Variants in SPAG17 observed in about 807,000 individuals in gnomAD.
SPAG17 encodes the protein sperm associated antigen 17.
SPAG17 carries 169 observed loss-of-function variants against 273.6 expected under a neutral mutation model. The observed-to-expected ratio is 0.62, with a 90% CI of 0.55 to 0.70. The LOEUF (loss-of-function observed/expected upper bound fraction) is 0.70. Among genes scored for constraint, SPAG17 ranks in the 30% least tolerant of loss-of-function variants. SPAG17 has a pLI of 0.00. For missense variants in SPAG17, 2,557 were observed against 2,627.8 expected (o/e 0.97, Z 0.59); for synonymous variants, 825 against 873.2 (o/e 0.94, Z 0.97).
Position 117,963,904 on chromosome 1 carries a change from T to C in SPAG17, c.6567A>G (p.Pro2189=), listed in dbSNP as rs1287246791. 2.5e-6 allele frequency: 4 copies of C among 1,613,998 alleles called. No individual in the cohort carries two copies. The South Asian group carries it at 3.3e-5, about 13-fold the overall frequency. ...TTTCTTTTCCCTGGGGAAAGTCTTT[T>C]GGTCGTTTATCATAATTGCTGCTTG... ...VLTSSNYDKR[P]KDFPQGKENP... The change falls in exon 48 of 49, where the codon CCA becomes CCG. Residue 2189 remains proline (P), a synonymous_variant. Coordinates refer to ENST00000336338, the MANE Select transcript of SPAG17 (RefSeq NM_206996.4).
At chr1:118,004,134 C>A (rs1043561333) in intron 32 of SPAG17, among the ~76,000 whole-genome samples, 3 of 152,208 alleles carry the variant, frequency 2.0e-5, no homozygotes, top group Non-Finnish European at 4.4e-5. Flanking sequence ...GGCTGCAGAA[C>A]AACAAATATT....
intron 20 of SPAG17, among the ~76,000 whole-genome samples, chr1:118,053,001 C>T (rs1326619050): frequency 2.6e-5 from 4 of 151,936 alleles, no homozygotes; most frequent in Non-Finnish European, 4.4e-5. Flanking sequence ...ACCCTCCTCC[C>T]ACCAGACACC....
At chr1:118,049,869 C>G (rs1484717535) in intron 20 of SPAG17, among the ~76,000 whole-genome samples, 2 of 152,166 alleles carry the variant, frequency 1.3e-5, no homozygotes, top group African/African-American at 4.8e-5. Flanking sequence ...TTAACTGTCT[C>G]TCTAAAATAA....
At position 118,089,355 on chromosome 1, in the gene SPAG17, G is replaced by GT. The variant is rs10527094; in HGVS notation, c.1359+2250_1359+2251insA. ...GACGTGTGTGTGTGTGTGTGTGTGT[G>GT]GTGGCAGGTAGGAGGTGAGATGACA... On this transcript the variant is annotated intron_variant, in intron 10 of 48. Coordinates refer to ENST00000336338, the MANE Select transcript of SPAG17 (RefSeq NM_206996.4). 6.9e-4 allele frequency among the ~76,000 whole-genome samples: 95 copies of GT among 137,926 alleles called. 1 individual carries two copies. Among genetic ancestry groups the GT allele is most frequent in the East Asian group, 2.4e-4 (1 of 4,140 alleles). The allele number at this position is 137,926 out of a possible 152,430, so 90.5% of individuals were successfully genotyped here.
At chr1:118,083,622 T>G (rs973051209) in intron 13 of SPAG17, among the ~76,000 whole-genome samples, 1 of 152,038 alleles carries the variant, frequency 6.6e-6, no homozygotes, top group Non-Finnish European at 1.5e-5. Context: ...CCATCTCTAC[T>G]AAAAATACAA....
intron 17 of SPAG17, among the ~76,000 whole-genome samples, chr1:118,071,261 A>AG (rs1205843257): frequency 6.6e-6 from 1 of 152,236 alleles, no homozygotes; most frequent in Non-Finnish European, 1.5e-5. Context: ...ACGAAACAAA[A>AG]AAGACAAAAA....
intron 20 of SPAG17, 86 bp downstream of exon 20, chr1:118,053,916 C>A: frequency 1.1e-6 from 1 of 935,882 alleles, no homozygotes. Flanking sequence ...TCACTATCCA[C>A]TCCCACTGCC....
chr1:118,055,979 G>T, intron 18 of SPAG17, 65 bp from the exon 19 acceptor site: 1 of 1,344,888 alleles, frequency 7.4e-7, no homozygotes, highest in Non-Finnish European at 1.0e-6. Flanking sequence ...TAAGGATATT[G>T]ACTGTGCAAA....
At chr1:118,004,757 C>A (rs568097369) in intron 32 of SPAG17, among the ~76,000 whole-genome samples, 17 of 152,356 alleles carry the variant, frequency 1.1e-4, no homozygotes, top group Admixed American at 3.9e-4. Flanking sequence ...TCCCCTGACA[C>A]CTTGCACTTC....
At chr1:118,004,185 G>C (rs1157637838) in intron 32 of SPAG17, among the ~76,000 whole-genome samples, 1 of 152,192 alleles carries the variant, frequency 6.6e-6, no homozygotes, top group Non-Finnish European at 1.5e-5. Context: ...TCCTCTGGAA[G>C]CTTCGTCCCA....
intron 36 of SPAG17, among the ~76,000 whole-genome samples, chr1:117,991,765 C>A (rs1055026166): frequency 6.6e-6 from 1 of 152,108 alleles, no homozygotes; most frequent in African/African-American, 2.4e-5. Flanking sequence ...TGCATGGGGG[C>A]CTCAGAGAGG....
In SPAG17 at chr1:118,081,568, C is replaced by T. The variant is rs759187136; in HGVS notation, c.1837G>A (p.Asp613Asn). ...TFESLKLSEVDEKGKLKPSGM... is the reference protein window; with the variant it reads ...TFESLKLSEVNEKGKLKPSGM... Reference sequence around the variant, plus strand: ...GAAGGTTTCAGTTTCCCTTTTTCATCAACCTCAGAGAGCTTCAGGCTCTCA... The same window carrying T: ...GAAGGTTTCAGTTTCCCTTTTTCATTAACCTCAGAGAGCTTCAGGCTCTCA... The change falls in exon 14 of 49, where the codon GAT (aspartate) becomes AAT (asparagine). Residue 613 changes from aspartate to asparagine, a missense_variant. By Grantham distance (23) the Asp-to-Asn change is conservative (BLOSUM62 1). Transcript: ENST00000336338. 6 of 1,614,000 alleles carry T rather than the reference C, an allele frequency of 3.7e-6. No homozygotes were observed. The highest frequency in any genetic ancestry group is 5.1e-6 in the Non-Finnish European group (6 of 1,179,986).
chr1:118,105,187 A>C (rs1239827423), intron 4 of SPAG17, among the ~76,000 whole-genome samples: 2 of 152,166 alleles, frequency 1.3e-5, no homozygotes, highest in African/African-American at 2.4e-5. Context: ...TTTCAAGTGA[A>C]GCATGAGGCA....
At chr1:118,160,804 T>C (rs984858026) in intron 1 of SPAG17, among the ~76,000 whole-genome samples, 1 of 152,238 alleles carries the variant, frequency 6.6e-6, no homozygotes, top group African/African-American at 2.4e-5. Context: ...TTTTTAGGTC[T>C]ACAAATATGG....
At chr1:118,108,654 A>G (rs1656559410) in intron 4 of SPAG17, among the ~76,000 whole-genome samples, 1 of 152,088 alleles carries the variant, frequency 6.6e-6, no homozygotes, top group African/African-American at 2.4e-5. Flanking sequence ...ATGTTTGAGG[A>G]ACACATGTTC....
chr1:118,164,125 C>T (rs1277118330), intron 1 of SPAG17, among the ~76,000 whole-genome samples: 1 of 152,196 alleles, frequency 6.6e-6, no homozygotes, highest in Admixed American at 6.5e-5. Context: ...ATTCTGTTCT[C>T]TTGGCACATA....
chr1:118,063,398 T>C (rs533206062), intron 18 of SPAG17, among the ~76,000 whole-genome samples: 2 of 152,110 alleles, frequency 1.3e-5, no homozygotes, highest in African/African-American at 2.4e-5. Flanking sequence ...TATAGATCAA[T>C]GGAACAGAAC....
In SPAG17 at chr1:118,185,211, C is replaced by T; in HGVS notation, c.-54G>A. On this transcript the variant is annotated 5_prime_UTR_variant, in exon 1 of 49. Transcript: ENST00000336338. ...AAACTGGGCGCAGGCCCTGCCTAAG[C>T]GTCCCCGCTACCACAGTAACCGAAG... 3 of 1,432,894 alleles carry T rather than the reference C, an allele frequency of 2.1e-6. No homozygotes were observed. The highest frequency in any genetic ancestry group is 3.0e-6 in the Non-Finnish European group (3 of 1,015,490). 88.8% of individuals were successfully genotyped at this position (1,432,894 alleles called of 1,614,324 possible). A position where few individuals can be genotyped will look rare whatever the true frequency, so the allele number is the denominator to read the frequency against.
intron 45 of SPAG17, chr1:117,971,659 A>G (rs1198999993): frequency 2.6e-5 from 11 of 422,494 alleles, no homozygotes; most frequent in South Asian, 7.5e-5. Context: ...AGTATCTACC[A>G]TATAATTGGA....
Sources: allele counts gnomAD v4.1 joint callset (sites outside exome capture counted in the v4.1 genomes callset), GRCh38; gene constraint gnomAD v4.1.1; transcripts MANE v1.5; gene names NCBI Gene and HGNC (gene_info 2026-07-23, HGNC 2026-07-21).